Variants in TAS1R3 observed in about 807,000 individuals in gnomAD.
The protein encoded by TAS1R3 is taste 1 receptor member 3.
TAS1R3 carries 58 observed loss-of-function variants against 46.1 expected under a neutral mutation model. That is an observed-to-expected ratio of 1.26 (90% CI 1.02 to 1.57). The LOEUF is 1.57. Among genes scored for constraint, TAS1R3 ranks in the 40% most tolerant of loss-of-function variants. The pLI, the probability that TAS1R3 is intolerant of heterozygous loss-of-function variation, is 0.00. For synonymous variants in TAS1R3, 724 were observed against 544.7 expected (o/e 1.33, Z -4.58); for missense variants, 1,422 against 1,185.8 (o/e 1.20, Z -2.93).
At position 1,333,026 on chromosome 1, in the gene TAS1R3, T is replaced by G; in HGVS notation, c.1381T>G (p.Trp461Gly). The change falls in exon 4 of 6, where the codon TGG (tryptophan) becomes GGG (glycine). Residue 461 changes from tryptophan to glycine, a missense_variant. Transcript: ENST00000339381. ...DMEYDLKLWV[W>G]QGSVPRLHDV... ...GGAGTACGACCTGAAGCTGTGGGTG[T>G]GGCAGGGCTCAGTGCCCAGGCTCCA... The G allele has an allele frequency of 1.9e-6, 3 of 1,612,724 alleles. No homozygotes were observed. The highest frequency in any genetic ancestry group is 2.5e-6 in the Non-Finnish European group (3 of 1,179,924).
In TAS1R3 at chr1:1,332,008, C is replaced by A. The variant is rs376312162; in HGVS notation, c.493-16C>A. The A allele has an allele frequency of 6.2e-7, 1 of 1,603,414 alleles. No individual in the cohort carries two copies. Among genetic ancestry groups the A allele is most frequent in the Non-Finnish European group, 8.5e-7 (1 of 1,177,328 alleles). The stretch of plus-strand genomic sequence containing the variant: ...TGGGAGCCCCTGTGTCAGGAGATGC[C>A]TCTTGGCCCTTGCAGGTCAGCTACG... On this transcript the variant is annotated splice_polypyrimidine_tract_variant and intron_variant, in intron 2 of 5. Transcript: ENST00000339381.
In TAS1R3 at chr1:1,331,405, G is replaced by A. The variant is rs771063046; in HGVS notation, c.60G>A (p.Gly20=). ...SLWALLHPGT[G]APLCLSQQLR... ...GGGCTCTCCTGCACCCTGGGACGGG[G>A]GCCCCATTGTGCCTGTCACAGCAAC... The change falls in exon 1 of 6, where the codon GGG becomes GGA. Residue 20 remains glycine (G), a synonymous_variant. Coordinates refer to ENST00000339381, the MANE Select transcript of TAS1R3 (RefSeq NM_152228.3). The A allele has an allele frequency of 1.1e-5, 17 of 1,605,936 alleles. No homozygotes were observed. The South Asian group carries it at 1.9e-4, about 18-fold the overall frequency.
In TAS1R3 at chr1:1,333,845, G is replaced by A. The variant is rs1643491288; in HGVS notation, c.1940G>A (p.Cys647Tyr). The A allele has an allele frequency of 1.2e-6, 2 of 1,600,456 alleles. No individual in the cohort carries two copies. The highest frequency in any genetic ancestry group is 1.7e-5 in the Admixed American group (1 of 59,972). ...TTGTCCCACCTCCCGCTCACGGGCT[G>A]CCTGAGCACACTCTTCCTGCAGGCG... The part of the protein sequence containing the change: ...QPLSHLPLTG[C>Y]LSTLFLQAAE... The change falls in exon 6 of 6, where the codon TGC (cysteine) becomes TAC (tyrosine). Residue 647 changes from cysteine (C) to tyrosine (Y), a missense_variant. Physicochemically the swap from Cys to Tyr is radical, Grantham distance 194 (BLOSUM62 -2). Transcript: ENST00000339381.
In TAS1R3 at chr1:1,331,719, C is replaced by A; in HGVS notation, c.273C>A (p.Pro91=). ...EEINNKSDLL[P]GLRLGYDLFD... is the part of the protein sequence containing the mutation. ...TCAACAACAAGTCGGATCTGCTGCC[C>A]GGGCTGCGCCTGGGCTACGACCTCT... Residue 91 remains proline, a synonymous_variant, in exon 2 of 6, where the codon CCC becomes CCA. Transcript: ENST00000339381. The A allele has an allele frequency of 6.2e-7, 1 of 1,612,954 alleles. No individual in the cohort carries two copies. The highest frequency in any genetic ancestry group is 8.5e-7 in the Non-Finnish European group (1 of 1,180,016).
Position 1,333,369 on chromosome 1 carries a change from G to T in TAS1R3, c.1590G>T (p.Arg530=), listed in dbSNP as rs370920121. 9.9e-6 allele frequency: 16 copies of T among 1,611,084 alleles called. No homozygotes were observed. Among genetic ancestry groups the T allele is most frequent in the Admixed American group, 1.7e-5 (1 of 59,754 alleles). The change falls in exon 5 of 6, where the codon CGG becomes CGT. Residue 530 remains arginine (R), a synonymous_variant. Transcript: ENST00000339381. ...TGGACTGCGAGGCGGGCAGCTACCG[G>T]CAAAACCCAGGTGAGCCGCCTTCCC... ...DCVDCEAGSY[R]QNPDDIACTF... is the part of the protein sequence containing the mutation.
rs764566211 is a variant in TAS1R3, at chr1:1,332,135, CAGG to C, written c.607_609del (p.Glu203del). On this transcript the variant is annotated inframe_deletion, in exon 3 of 6. Transcript: ENST00000339381. ...GCTGACGGCCGCCGCGGAGCTGCTG[CAGG>C]AGTTCGGCTGGAACTGGGTGGCCGC... 3.4e-5 allele frequency: 54 copies of C among 1,599,120 alleles called. No homozygotes were observed. The African/African-American group carries it at 6.3e-4, about 19-fold the overall frequency.
chr1:1,332,793 T>G lies in TAS1R3; in HGVS notation c.1262T>G (p.Val421Gly), dbSNP rs1557656886. 2.5e-6 allele frequency: 4 copies of G among 1,604,672 alleles called. No homozygotes were observed. The highest frequency in any genetic ancestry group is 3.4e-6 in the Non-Finnish European group (4 of 1,177,234). ...TCAGGCTGCCCCGCGCAGGACCCCG[T>G]GAAGCCCTGGCAGGTGAGCCCGGGA... ...NASGCPAQDP[V>G]KPWQLLENMY... Residue 421 changes from valine (V) to glycine (G), a missense_variant, in exon 3 of 6, where the codon GTG becomes GGG. By Grantham distance (109) the Val-to-Gly change is moderately radical. Coordinates refer to ENST00000339381, the MANE Select transcript of TAS1R3 (RefSeq NM_152228.3).
chr1:1,333,247 G>A lies in TAS1R3; in HGVS notation c.1480-12G>A, dbSNP rs1002870420. Reference sequence around the variant, plus strand: ...CCAGCCGAGCAGAGCCAGACCCCAGGCCTGTGCGCAGAAGCCCGTGTCCCG... The same window carrying A: ...CCAGCCGAGCAGAGCCAGACCCCAGACCTGTGCGCAGAAGCCCGTGTCCCG... On this transcript the variant is annotated splice_polypyrimidine_tract_variant and intron_variant, in intron 4 of 5. Coordinates refer to ENST00000339381, the MANE Select transcript of TAS1R3 (RefSeq NM_152228.3). 1.3e-6 allele frequency: 2 copies of A among 1,598,542 alleles called. No individual in the cohort carries two copies. Among genetic ancestry groups the A allele is most frequent in the Middle Eastern group, 1.7e-4 (1 of 6,042 alleles).
rs1244307550 is a variant in TAS1R3, at chr1:1,334,199, C to A, written c.2294C>A (p.Thr765Asn). 1 of 1,605,028 alleles carries A rather than the reference C, an allele frequency of 6.2e-7. No individual in the cohort carries two copies. Among genetic ancestry groups the A allele is most frequent in the Non-Finnish European group, 8.5e-7 (1 of 1,176,262 alleles). ...TGCTACAACCGTGCCCGTGGCCTCA[C>A]CTTTGCCATGCTGGCCTACTTCATC... The part of the protein sequence containing the change: ...PGCYNRARGL[T>N]FAMLAYFITW... Residue 765 changes from threonine to asparagine, a missense_variant, in exon 6 of 6, where the codon ACC (threonine) becomes AAC (asparagine). By Grantham distance (65) the Thr-to-Asn change is moderately conservative (BLOSUM62 0). Coordinates refer to ENST00000339381, the MANE Select transcript of TAS1R3 (RefSeq NM_152228.3).
rs750556466 is a variant in TAS1R3, at chr1:1,333,818, C to T, written c.1913C>T (p.Pro638Leu). 5.6e-6 allele frequency: 9 copies of T among 1,599,050 alleles called. No homozygotes were observed. The highest frequency in any genetic ancestry group is 1.3e-5 in the African/African-American group (1 of 74,860). The change falls in exon 6 of 6, where the codon CCC (proline) becomes CTC (leucine). Residue 638 changes from proline (P) to leucine (L), a missense_variant. Physicochemically the swap from Pro to Leu is moderately conservative, Grantham distance 98. Transcript: ENST00000339381. ...CCTGCCCGATGCCTGGCCCAGCAGCCCTTGTCCCACCTCCCGCTCACGGGC... is the reference window on the plus strand; with the variant it reads ...CCTGCCCGATGCCTGGCCCAGCAGCTCTTGTCCCACCTCCCGCTCACGGGC... ...PSPARCLAQQPLSHLPLTGCL... is the reference protein window; with the variant it reads ...PSPARCLAQQLLSHLPLTGCL...
rs1643506382 is a variant in TAS1R3, at chr1:1,334,314, G to C, written c.2409G>C (p.Leu803=). 1 of 1,611,726 alleles carries C rather than the reference G, an allele frequency of 6.2e-7. No individual in the cohort carries two copies. The highest frequency in any genetic ancestry group is 8.5e-7 in the Non-Finnish European group (1 of 1,179,230). The change falls in exon 6 of 6, where the codon CTG becomes CTC. Residue 803 remains leucine, a synonymous_variant. Transcript: ENST00000339381. The part of the protein sequence containing the change: ...VQMGALLLCV[L]GILAAFHLPR... ...TGGGCGCCCTCCTGCTCTGTGTCCT[G>C]GGCATCCTGGCTGCCTTCCACCTGC...
Position 1,331,736 on chromosome 1 carries a change from A to G in TAS1R3, c.290A>G (p.Tyr97Cys). The G allele has an allele frequency of 6.2e-7, 1 of 1,612,936 alleles. No individual in the cohort carries two copies. The highest frequency in any genetic ancestry group is 8.5e-7 in the Non-Finnish European group (1 of 1,180,022). ...CTGCTGCCCGGGCTGCGCCTGGGCTACGACCTCTTTGATACGTGCTCGGAG... is the reference window on the plus strand; with the variant it reads ...CTGCTGCCCGGGCTGCGCCTGGGCTGCGACCTCTTTGATACGTGCTCGGAG... ...SDLLPGLRLG[Y>C]DLFDTCSEPV... Residue 97 changes from tyrosine (Y) to cysteine (C), a missense_variant, in exon 2 of 6, where the codon TAC becomes TGC. Coordinates refer to ENST00000339381, the MANE Select transcript of TAS1R3 (RefSeq NM_152228.3).
In TAS1R3 at chr1:1,333,792, C is replaced by A. The variant is rs758055725; in HGVS notation, c.1887C>A (p.Ser629Arg). 6.3e-7 allele frequency: 1 copy of A among 1,594,440 alleles called. No homozygotes were observed. The highest frequency in any genetic ancestry group is 2.3e-5 in the East Asian group (1 of 44,390). ...TCCTCCTGTTCCCTGGCCAGCCCAG[C>A]CCTGCCCGATGCCTGGCCCAGCAGC... ...LSVLLFPGQP[S>R]PARCLAQQPL... The change falls in exon 6 of 6, where the codon AGC becomes AGA. Residue 629 changes from serine to arginine, a missense_variant. Physicochemically the swap from Ser to Arg is moderately radical, Grantham distance 110. Transcript: ENST00000339381.
Position 1,334,418 on chromosome 1 carries a change from A to C in TAS1R3, c.2513A>C (p.Gln838Pro). 1.9e-6 allele frequency: 3 copies of C among 1,602,274 alleles called. No homozygotes were observed. The highest frequency in any genetic ancestry group is 2.6e-6 in the Non-Finnish European group (3 of 1,173,836). ...FFLGGGPGDA[Q>P]GQNDGNTGNQ... ...CTGGGAGGGGGCCCTGGGGATGCCC[A>C]AGGCCAGAATGACGGGAACACAGGA... is the stretch of plus-strand genomic sequence containing the variant. The change falls in exon 6 of 6, where the codon CAA (glutamine) becomes CCA (proline). Residue 838 changes from glutamine (Q) to proline (P), a missense_variant. Coordinates refer to ENST00000339381, the MANE Select transcript of TAS1R3 (RefSeq NM_152228.3).
At position 1,335,184 on chromosome 1, in the gene TAS1R3, G is replaced by C. The variant is rs1643530384; in HGVS notation, c.*720G>C. The C allele has an allele frequency of 6.6e-6, 1 of 152,356 alleles. No individual in the cohort carries two copies. The allele number at this position is 152,356 out of a possible 1,614,324, so 9.4% of individuals were successfully genotyped here. On this transcript the variant is annotated 3_prime_UTR_variant, in exon 6 of 6. Transcript: ENST00000339381. The stretch of plus-strand genomic sequence containing the variant: ...GTCTCCGGTCAGAGTCCCAGGGTCA[G>C]CTCCCAGCAGGGCCTAGGGGAGGCT...
chr1:1,331,455 T>A lies in TAS1R3; in HGVS notation c.110T>A (p.Leu37Gln). The A allele has an allele frequency of 6.2e-7, 1 of 1,605,088 alleles. No individual in the cohort carries two copies. The highest frequency in any genetic ancestry group is 2.2e-5 in the East Asian group (1 of 44,820). Residue 37 changes from leucine to glutamine, a missense_variant, in exon 1 of 6, where the codon CTG becomes CAG. Transcript: ENST00000339381. The part of the protein sequence containing the change: ...QQLRMKGDYV[L>Q]GGLFPLGEAE... ...CTTAGGATGAAGGGGGACTACGTGC[T>A]GGGGGGGCTGTTCCCCCTGGGCGAG... is the stretch of plus-strand genomic sequence containing the variant.
rs377350793 is a variant in TAS1R3 at position 1,331,466 on chromosome 1, T to A, written c.121T>A (p.Phe41Ile). The A allele has an allele frequency of 7.5e-6, 12 of 1,605,552 alleles. No homozygotes were observed. The highest frequency in any genetic ancestry group is 1.0e-5 in the Non-Finnish European group (12 of 1,177,452). ...GGGGGACTACGTGCTGGGGGGGCTG[T>A]TCCCCCTGGGCGAGGCCGAGGAGGC... ...MKGDYVLGGL[F>I]PLGEAEEAGL... is the part of the protein sequence containing the mutation. The change falls in exon 1 of 6, where the codon TTC becomes ATC. Residue 41 changes from phenylalanine (F) to isoleucine (I), a missense_variant. Coordinates refer to ENST00000339381, the MANE Select transcript of TAS1R3 (RefSeq NM_152228.3).
In TAS1R3 at chr1:1,334,508, C is replaced by T. The variant is rs139522421; in HGVS notation, c.*44C>T. Reference sequence around the variant, plus strand: ...GCCCCGGTGAACCCAGACTTAGCTGCGATCCCCCCCAAGCCAGCAATGACC... The same window carrying T: ...GCCCCGGTGAACCCAGACTTAGCTGTGATCCCCCCCAAGCCAGCAATGACC... On this transcript the variant is annotated 3_prime_UTR_variant, in exon 6 of 6. Coordinates refer to ENST00000339381, the MANE Select transcript of TAS1R3 (RefSeq NM_152228.3). The T allele has an allele frequency of 9.6e-6, 14 of 1,453,972 alleles. No homozygotes were observed. The highest frequency in any genetic ancestry group is 2.8e-5 in the African/African-American group (2 of 70,860). 90.1% of individuals were successfully genotyped at this position (1,453,972 alleles called of 1,614,324 possible).
chr1:1,334,050 C>G lies in TAS1R3; in HGVS notation c.2145C>G (p.Pro715=). 1 of 1,601,022 alleles carries G rather than the reference C, an allele frequency of 6.2e-7. No individual in the cohort carries two copies. The highest frequency in any genetic ancestry group is 8.5e-7 in the Non-Finnish European group (1 of 1,178,574). The change falls in exon 6 of 6, where the codon CCC becomes CCG. Residue 715 remains proline, a synonymous_variant. Coordinates refer to ENST00000339381, the MANE Select transcript of TAS1R3 (RefSeq NM_152228.3). ...PEVVTDWHML[P]TEALVHCRTR... Reference sequence around the variant, plus strand: ...TGGTGACGGACTGGCACATGCTGCCCACGGAGGCGCTGGTGCACTGCCGCA... The same window carrying G: ...TGGTGACGGACTGGCACATGCTGCCGACGGAGGCGCTGGTGCACTGCCGCA...
Sources: gnomAD v4.1 joint callset for allele counts on GRCh38, gnomAD v4.1.1 for gene constraint, MANE v1.5 for transcripts, NCBI Gene and HGNC (gene_info 2026-07-23, HGNC 2026-07-21) for gene names.